Variants in GSE1 observed in about 807,000 individuals in gnomAD.
GSE1 encodes Gse1 coiled-coil protein.
In GSE1, 32 loss-of-function variants were observed where a neutral mutation model predicts 112.6. The ratio of observed to expected loss-of-function variants is 0.28; its 90% CI spans 0.21 to 0.38. The LOEUF is 0.38. Ranked by LOEUF, GSE1 falls within the 10% of genes least tolerant of loss-of-function variation. GSE1 has a pLI of 1.00. For synonymous variants in GSE1, 1,115 were observed against 735.6 expected, an observed-to-expected ratio of 1.52 and a Z score of -8.35; for missense variants, 2,348 against 1,699.2, an observed-to-expected ratio of 1.38 and a Z score of -6.71.
At chr16:85,173,391 C>T (rs1041773933) in intron 1 of GSE1, among the ~76,000 whole-genome samples, 6 of 152,184 alleles carry the variant, frequency 3.9e-5, no homozygotes, top group Non-Finnish European at 5.9e-5. Context: ...TGGAAACATA[C>T]CACTTGCTTT....
At chr16:85,330,341 C>A (rs562299908) in intron 1 of GSE1, among the ~76,000 whole-genome samples, 1 of 152,086 alleles carries the variant, frequency 6.6e-6, no homozygotes, top group Non-Finnish European at 1.5e-5. Context: ...GGGCCACCAG[C>A]CAAGGAACGC....
intron 2 of GSE1, among the ~76,000 whole-genome samples, chr16:85,492,277 C>T (rs2051035432): frequency 6.6e-6 from 1 of 152,190 alleles, no homozygotes; most frequent in African/African-American, 2.4e-5. Flanking sequence ...TCGGCCTGTG[C>T]TGAGGTTTCT....
intron 2 of GSE1, among the ~76,000 whole-genome samples, chr16:85,546,021 G>C (rs111340940): frequency 1.8e-4 from 27 of 152,288 alleles, no homozygotes; most frequent in Middle Eastern, 3.4e-3. Context: ...TCCTGACCTC[G>C]TGATCTGCCC....
chr16:85,421,223 A>C (rs118111347), intron 2 of GSE1, among the ~76,000 whole-genome samples: 1 of 151,550 alleles, frequency 6.6e-6, no homozygotes. Flanking sequence ...CTGGACGGGG[A>C]CCCCCGCCAG....
chr16:85,222,030 G>A (rs1187542825), intron 1 of GSE1, among the ~76,000 whole-genome samples: 1 of 152,184 alleles, frequency 6.6e-6, no homozygotes, highest in African/African-American at 2.4e-5. Flanking sequence ...GTCAGCCTCG[G>A]GTCTGCTGGG....
intron 2 of GSE1, among the ~76,000 whole-genome samples, chr16:85,520,101 C>T (rs2052129998): frequency 6.6e-6 from 1 of 152,216 alleles, no homozygotes; most frequent in Non-Finnish European, 1.5e-5. Context: ...TGTACTGCTT[C>T]AATTTCTGGA....
chr16:85,259,638 C>G (rs1310066531), intron 1 of GSE1, among the ~76,000 whole-genome samples: 1 of 152,216 alleles, frequency 6.6e-6, no homozygotes, highest in Non-Finnish European at 1.5e-5. Context: ...GCATCAGTGC[C>G]AGATGGGGGC....
intron 1 of GSE1, among the ~76,000 whole-genome samples, chr16:85,240,442 T>C (rs377760361): frequency 1.5e-4 from 23 of 152,252 alleles, no homozygotes; most frequent in African/African-American, 5.5e-4. Flanking sequence ...TTCCGACCCC[T>C]GCATTCCTCA....
Position 85,661,865 on chromosome 16 carries a change from T to C in GSE1, c.2260+100T>C. 1.6e-6 allele frequency: 2 copies of C among 1,241,160 alleles called. 1 individual carries two copies. The allele number at this position is 1,241,160 out of a possible 1,614,324, so 76.9% of individuals were successfully genotyped here. A position where few individuals can be genotyped will look rare whatever the true frequency, so the allele number is the denominator to read the frequency against. On this transcript the variant is annotated intron_variant, in intron 9 of 15. Transcript: ENST00000253458. ...CCTGCCCCTCTCCGTCCACTCCTGC[T>C]TTTTGCCTGGGGTAGTCCCAGGCCC... is the stretch of plus-strand genomic sequence containing the variant.
chr16:85,381,394 G>A (rs1262601411), intron 2 of GSE1, among the ~76,000 whole-genome samples: 2 of 152,200 alleles, frequency 1.3e-5, no homozygotes, highest in African/African-American at 4.8e-5. Context: ...TTGGGCTATG[G>A]TGAAGAATGC....
At chr16:85,183,655 A>G (rs886065589) in intron 1 of GSE1, among the ~76,000 whole-genome samples, 1 of 152,196 alleles carries the variant, frequency 6.6e-6, no homozygotes, top group African/African-American at 2.4e-5. Context: ...TGGTAAGTCG[A>G]CTGGCCTGTC....
chr16:85,308,173 GCTCTT>G (rs770321740), intron 1 of GSE1, among the ~76,000 whole-genome samples: 3 of 152,178 alleles, frequency 2.0e-5, no homozygotes, highest in Non-Finnish European at 4.4e-5. Context: ...ACGCTGAGCT[GCTCTT>G]CTCTTTGAAT....
At chr16:85,331,611 A>C (rs2046364806) in intron 1 of GSE1, among the ~76,000 whole-genome samples, 1 of 78,584 alleles carries the variant, frequency 1.3e-5, no homozygotes, top group South Asian at 4.4e-4. Flanking sequence ...GTATTTGTGT[A>C]TATATGTGTG....
intron 2 of GSE1, among the ~76,000 whole-genome samples, chr16:85,439,437 C>T (rs1486176611): frequency 6.6e-6 from 1 of 152,194 alleles, no homozygotes; most frequent in East Asian, 1.9e-4. Context: ...GCTCAAATGG[C>T]CGAGCAGGAG....
intron 1 of GSE1, among the ~76,000 whole-genome samples, chr16:85,307,731 G>A (rs547357110): frequency 1.3e-4 from 20 of 152,302 alleles, no homozygotes; most frequent in South Asian, 4.1e-4. Context: ...ACCTCCGCAC[G>A]TCAAGCTGAT....
chr16:85,188,446 C>G (rs2074754363), intron 1 of GSE1, among the ~76,000 whole-genome samples: 2 of 152,102 alleles, frequency 1.3e-5, no homozygotes, highest in Admixed American at 1.3e-4. Flanking sequence ...ACCTAGACCT[C>G]AAAAACACAG....
chr16:85,243,053 T>C (rs137889596), intron 1 of GSE1, among the ~76,000 whole-genome samples: 30 of 152,254 alleles, frequency 2.0e-4, no homozygotes, highest in African/African-American at 6.3e-4. Context: ...GCTCAAGCAA[T>C]CCTCCTTCCT....
At chr16:85,524,139 C>T (rs1193753178) in intron 2 of GSE1, among the ~76,000 whole-genome samples, 2 of 152,132 alleles carry the variant, frequency 1.3e-5, no homozygotes, top group African/African-American at 2.4e-5. Flanking sequence ...GGGACCTACA[C>T]GTTCAAACCT....
At chr16:85,490,884 C>T (rs1295740642) in intron 2 of GSE1, 2 of 152,250 alleles carry the variant, frequency 1.3e-5, no homozygotes, top group East Asian at 1.9e-4. Context: ...CTGGGTGCCA[C>T]GGTTACAGCT....
Sources: gnomAD v4.1 joint callset for allele counts (sites outside exome capture counted in the v4.1 genomes callset) on GRCh38, gnomAD v4.1.1 for gene constraint, MANE v1.5 for transcripts, NCBI Gene and HGNC (gene_info 2026-07-23, HGNC 2026-07-21) for gene names.